SFSWAP: variants seen among roughly 807,000 people sequenced by gnomAD.
SFSWAP encodes splicing factor, suppressor of white-apricot homolog.
In SFSWAP, 17 loss-of-function variants were observed where a neutral mutation model predicts 100.7. That is an observed-to-expected ratio of 0.17 (90% CI 0.12 to 0.25). The LOEUF (loss-of-function observed/expected upper bound fraction) is 0.25. Among genes scored for constraint, SFSWAP ranks in the 10% least tolerant of loss-of-function variants. The pLI is 1.00. For synonymous variants in SFSWAP, 504 were observed against 510.1 expected (o/e 0.99, Z 0.16); for missense variants, 1,005 against 1,262.6 (o/e 0.80, Z 3.09).
At chr12:131,783,792 T>TTATATACATATATATATATATATATATA (rs1884674751) in intron 14 of SFSWAP, 1 of 86,684 alleles carries the variant, frequency 1.2e-5, no homozygotes, top group Non-Finnish European at 2.4e-5. Flanking sequence ...AAAAAACATT[T>TTATATACATATATATATATATATATATA]TATATATATA....
intron 7 of SFSWAP, among the ~76,000 whole-genome samples, chr12:131,729,842 T>C (rs1879335660): frequency 1.3e-5 from 2 of 152,194 alleles, no homozygotes; most frequent in Non-Finnish European, 2.9e-5. Flanking sequence ...AAACATCAGC[T>C]CCTCTTTATT....
intron 17 of SFSWAP, 40 bp downstream of exon 17, chr12:131,799,149 C>A (rs755532685): frequency 2.7e-6 from 4 of 1,481,862 alleles, no homozygotes; most frequent in Non-Finnish European, 2.8e-6. Context: ...AGCCTTTCAT[C>A]AAGGGGCCTC....
At chr12:131,731,728 A>T (rs1435985382) in intron 7 of SFSWAP, among the ~76,000 whole-genome samples, 1 of 152,166 alleles carries the variant, frequency 6.6e-6, no homozygotes, top group East Asian at 1.9e-4. Context: ...GTAGTTTCCA[A>T]AAGTATTAAT....
Position 131,714,787 on chromosome 12 carries a change from T to A in SFSWAP, c.389-35T>A. On this transcript the variant is annotated intron_variant, in intron 2 of 17. Coordinates refer to ENST00000261674, the MANE Select transcript of SFSWAP (RefSeq NM_004592.4). This position sits in a 1 kb window ranked among gnomAD's most constrained non-coding sequence, Gnocchi z 6.0. ...TATAAAGTTTTTCTCAGTAATTTTC[T>A]ATTTTTGTTGATAAAATTCTCATTT... is the stretch of plus-strand genomic sequence containing the variant. The A allele has an allele frequency of 6.3e-7, 1 of 1,596,040 alleles. No homozygotes were observed. The highest frequency in any genetic ancestry group is 8.6e-7 in the Non-Finnish European group (1 of 1,164,720).
At chr12:131,757,255 G>C (rs1189978214) in intron 11 of SFSWAP, 1 of 152,600 alleles carries the variant, frequency 6.6e-6, no homozygotes, top group African/African-American at 2.4e-5. Context: ...TGTTGCGAGA[G>C]GAACGGGAAG....
chr12:131,798,758 C>T (rs1049310777), intron 16 of SFSWAP, among the ~76,000 whole-genome samples: 7 of 152,062 alleles, frequency 4.6e-5, no homozygotes, highest in African/African-American at 1.7e-4. Flanking sequence ...GGCATGGTGG[C>T]ACACGCCTGC....
rs757995743 is a variant in SFSWAP, at chr12:131,734,232, C to T, written c.1081+5804C>T. Among the ~76,000 whole-genome samples the T allele has an allele frequency of 1.3e-5, 2 of 152,248 alleles. No individual in the cohort carries two copies. The highest frequency in any genetic ancestry group is 2.4e-5 in the African/African-American group (1 of 41,470). ...AAGGCTGACGTTGGGCTGGGTGTGG[C>T]TCGTACATAGGACAGGGCCCACACA... On this transcript the variant is annotated intron_variant, in intron 7 of 17. Coordinates refer to ENST00000261674, the MANE Select transcript of SFSWAP (RefSeq NM_004592.4). This position sits in a 1 kb window ranked among gnomAD's most constrained non-coding sequence, Gnocchi z 4.9.
intron 8 of SFSWAP, among the ~76,000 whole-genome samples, chr12:131,753,822 C>T (rs1046260349): frequency 6.6e-6 from 1 of 152,162 alleles, no homozygotes; most frequent in Non-Finnish European, 1.5e-5. Context: ...ACCTGTGAAG[C>T]CATCGGCAGA....
At chr12:131,739,597 G>A (rs1414387235) in intron 7 of SFSWAP, among the ~76,000 whole-genome samples, 1 of 130,094 alleles carries the variant, frequency 7.7e-6, no homozygotes, top group African/African-American at 2.9e-5. Flanking sequence ...CCAGGCTGGA[G>A]TGCAGTGGCG....
Position 131,714,309 on chromosome 12 carries a change from C to G in SFSWAP, c.388+69C>G. The G allele has an allele frequency of 1.5e-6, 2 of 1,340,282 alleles. No individual in the cohort carries two copies. The highest frequency in any genetic ancestry group is 2.7e-5 in the South Asian group (2 of 73,248). The allele number at this position is 1,340,282 out of a possible 1,614,324, so 83.0% of individuals were successfully genotyped here. ...ATTTTTAAGTATTTAAAAATTTACT[C>G]CCATTCATTTTTTTATACTCACTCT... is the stretch of plus-strand genomic sequence containing the variant. On this transcript the variant is annotated intron_variant, in intron 2 of 17. Transcript: ENST00000261674. The surrounding 1 kb of genome is among the most constrained non-coding windows in gnomAD (Gnocchi z 6.0).
chr12:131,717,675 T>A (rs960097879), intron 3 of SFSWAP, among the ~76,000 whole-genome samples: 1 of 152,164 alleles, frequency 6.6e-6, no homozygotes, highest in Non-Finnish European at 1.5e-5. Flanking sequence ...CTAGACAATG[T>A]TTTAATCATT....
At chr12:131,771,543 A>T (rs1175393726) in intron 13 of SFSWAP, among the ~76,000 whole-genome samples, 1 of 150,978 alleles carries the variant, frequency 6.6e-6, no homozygotes, top group African/African-American at 2.4e-5. Flanking sequence ...CTATTTCTTC[A>T]TGTCCCTGTC....
intron 13 of SFSWAP, among the ~76,000 whole-genome samples, chr12:131,770,675 C>T (rs530411876): frequency 2.0e-5 from 3 of 152,026 alleles, no homozygotes; most frequent in Non-Finnish European, 2.9e-5. Context: ...CAATTCTCTC[C>T]CTTCTGTAGA....
intron 15 of SFSWAP, among the ~76,000 whole-genome samples, chr12:131,793,804 T>C (rs958988403): frequency 2.0e-5 from 3 of 151,440 alleles, no homozygotes; most frequent in African/African-American, 7.3e-5. Context: ...GGTACACACA[T>C]GGAAAGATGT....
chr12:131,785,091 G>A (rs1345329879), intron 14 of SFSWAP: 9 of 1,535,368 alleles, frequency 5.9e-6, no homozygotes, highest in Non-Finnish European at 7.0e-6. Flanking sequence ...CCTCCCCAGG[G>A]ACGCTGCGCG....
chr12:131,787,570 G>A (rs1157670355), intron 15 of SFSWAP, among the ~76,000 whole-genome samples: 1 of 152,240 alleles, frequency 6.6e-6, no homozygotes, highest in Admixed American at 6.5e-5. Context: ...GAAGGATGGA[G>A]CATTGCACAT....
Position 131,734,179 on chromosome 12 carries a change from G to A in SFSWAP, c.1081+5751G>A, listed in dbSNP as rs965267127. ...CCCTGGCACAGAGAGCGTGTTCATC[G>A]CTGGCTCCTGCCGCCCTCGAGGACT... On this transcript the variant is annotated intron_variant, in intron 7 of 17. Coordinates refer to ENST00000261674, the MANE Select transcript of SFSWAP (RefSeq NM_004592.4). The surrounding 1 kb of genome is among the most constrained non-coding windows in gnomAD (Gnocchi z 4.9). Among the ~76,000 whole-genome samples, 9 of 152,204 alleles carry A rather than the reference G, an allele frequency of 5.9e-5. No individual in the cohort carries two copies. Among genetic ancestry groups the A allele is most frequent in the African/African-American group, 1.4e-4 (6 of 41,458 alleles).
Position 131,778,509 on chromosome 12 carries a change from GT to G in SFSWAP, c.2408+183del, listed in dbSNP as rs1212879813. ...TAAGATCTTTTTCAGATTTTTGTTT[GT>G]TTTATACTTAACTTTTTCTTTTTTG... On this transcript the variant is annotated intron_variant, in intron 14 of 17. Transcript: ENST00000261674. This position sits in a 1 kb window ranked among gnomAD's most constrained non-coding sequence, Gnocchi z 4.2. Among the ~76,000 whole-genome samples the G allele has an allele frequency of 6.6e-6, 1 of 152,166 alleles. No individual in the cohort carries two copies. Among genetic ancestry groups the G allele is most frequent in the African/African-American group, 2.4e-5 (1 of 41,440 alleles).
In SFSWAP at chr12:131,753,492, A is replaced by G. The variant is rs1881863512; in HGVS notation, c.1322+129A>G. 2.5e-6 allele frequency: 3 copies of G among 1,195,190 alleles called. No individual in the cohort carries two copies. In the African/African-American group the frequency reaches 4.6e-5, roughly 18 times the overall value. 74.0% of individuals were successfully genotyped at this position (1,195,190 alleles called of 1,614,324 possible). A position where few individuals can be genotyped will look rare whatever the true frequency, so the allele number is the denominator to read the frequency against. ...AGGGGTCCCCATTGTCTGAGTAGTT[A>G]TTATTCCAAATCCCCAAGTTACAAA... On this transcript the variant is annotated intron_variant, in intron 8 of 17. Transcript: ENST00000261674.
Sources: gnomAD v4.1 joint callset for allele counts (sites outside exome capture counted in the v4.1 genomes callset) on GRCh38, gnomAD v4.1.1 for gene constraint, Gnocchi (gnomAD v3.1) non-coding constraint, MANE v1.5 for transcripts, NCBI Gene and HGNC (gene_info 2026-07-23, HGNC 2026-07-21) for gene names.